ABCA10: variants seen among roughly 807,000 people sequenced by gnomAD.
ABCA10 encodes ATP binding cassette subfamily A member 10.
Under a neutral mutation model 187.5 loss-of-function variants are expected in ABCA10, and 169 were observed. The ratio of observed to expected loss-of-function variants is 0.90; its 90% CI spans 0.80 to 1.02. The LOEUF (loss-of-function observed/expected upper bound fraction) is 1.02. Among genes scored for constraint, ABCA10 ranks in the 50% least tolerant of loss-of-function variants. The probability of loss-of-function intolerance (pLI) is 0.00; values close to 1 mark genes in which losing one functional copy is unlikely to be tolerated. For missense variants in ABCA10, 1,727 were observed against 1,812.4 expected, an observed-to-expected ratio of 0.95 and a Z score of 0.86; for synonymous variants, 574 against 601.8, an observed-to-expected ratio of 0.95 and a Z score of 0.68.
intron 34 of ABCA10, among the ~76,000 whole-genome samples, chr17:69,152,713 G>A (rs1205772140): frequency 6.6e-6 from 1 of 152,044 alleles, no homozygotes; most frequent in Non-Finnish European, 1.5e-5. Flanking sequence ...CTTAAGCCCA[G>A]GAGGTCGAGG....
intron 9 of ABCA10, among the ~76,000 whole-genome samples, chr17:69,209,826 T>C (rs1196469375): frequency 6.6e-6 from 1 of 152,188 alleles, no homozygotes; most frequent in South Asian, 2.1e-4. Context: ...CTGTACAGCA[T>C]GTTACTGTAC....
In ABCA10 at chr17:69,150,073, A is replaced by G. The variant is rs563682742; in HGVS notation, c.4398-10T>C. ...CATTAAAGAGGAATATCTGTCAGGA[A>G]GAAGAGTGAGATTTATTACTAAGTT... On this transcript the variant is annotated splice_polypyrimidine_tract_variant and intron_variant, in intron 36 of 38. Transcript: ENST00000690296. The G allele has an allele frequency of 1.5e-4, 244 of 1,591,106 alleles. 5 individuals carry two copies. The South Asian group carries it at 2.6e-3, about 17-fold the overall frequency.
At chr17:69,240,135 C>G (rs542453701) in intron 1 of ABCA10, among the ~76,000 whole-genome samples, 1 of 152,172 alleles carries the variant, frequency 6.6e-6, no homozygotes, top group East Asian at 1.9e-4. Context: ...ATTGTTTGAT[C>G]ATGCACCCTT....
chr17:69,241,200 A>G (rs2074901484), intron 1 of ABCA10, among the ~76,000 whole-genome samples: 1 of 152,204 alleles, frequency 6.6e-6, no homozygotes, highest in South Asian at 2.1e-4. Context: ...AGAGGCTCAG[A>G]CAAAACAAAA....
intron 25 of ABCA10, among the ~76,000 whole-genome samples, chr17:69,170,646 G>A (rs2074291540): frequency 6.6e-6 from 1 of 152,016 alleles, no homozygotes; most frequent in Non-Finnish European, 1.5e-5. Flanking sequence ...ACATCTGTAT[G>A]TAGAGATATG....
At chr17:69,197,553 A>G (rs1246954068) in intron 10 of ABCA10, among the ~76,000 whole-genome samples, 1 of 152,188 alleles carries the variant, frequency 6.6e-6, no homozygotes, top group Non-Finnish European at 1.5e-5. Context: ...CCAACCTAAG[A>G]CAACATAGCT....
chr17:69,175,715 T>C (rs2074329700), intron 22 of ABCA10: 1 of 414,906 alleles, frequency 2.4e-6, no homozygotes, highest in East Asian at 4.7e-5. Context: ...AAATTCAAAA[T>C]CTCAATTTTA....
chr17:69,200,382 G>A (rs2144815325), intron 10 of ABCA10, among the ~76,000 whole-genome samples: 1 of 152,288 alleles, frequency 6.6e-6, no homozygotes, highest in East Asian at 1.9e-4. Flanking sequence ...TAAACCTACA[G>A]ACTACATCAT....
intron 22 of ABCA10, among the ~76,000 whole-genome samples, chr17:69,179,211 A>AC (rs2074360266): frequency 1.3e-5 from 2 of 151,252 alleles, no homozygotes; most frequent in African/African-American, 2.4e-5. Context: ...AAAACAAACA[A>AC]AAAAAAAACC....
chr17:69,168,259 C>T (rs1048369177), intron 25 of ABCA10, among the ~76,000 whole-genome samples: 1 of 152,136 alleles, frequency 6.6e-6, no homozygotes, highest in Non-Finnish European at 1.5e-5. Flanking sequence ...AAAAGTTACA[C>T]ATGAATTTTC....
rs925328146 is a variant in ABCA10, at chr17:69,208,311, G to A, written c.1006+6393C>T. On this transcript the variant is annotated intron_variant, in intron 9 of 38. Transcript: ENST00000690296. ...CAGGTGCCTGTAGTCCTAGCTATTC[G>A]GGAGGCTGAGGCAGGAGAATGGCGT... is the stretch of plus-strand genomic sequence containing the variant. Among the ~76,000 whole-genome samples the A allele has an allele frequency of 4.0e-5, 6 of 150,962 alleles. No homozygotes were observed. In the East Asian group the frequency reaches 7.8e-4, roughly 20 times the overall value.
At chr17:69,213,558 G>A (rs893642834) in intron 9 of ABCA10, among the ~76,000 whole-genome samples, 2 of 152,182 alleles carry the variant, frequency 1.3e-5, no homozygotes, top group African/African-American at 4.8e-5. Context: ...AGCAAGGCCA[G>A]TCTCACTCCC....
Position 69,225,490 on chromosome 17 carries a change from TGCACAAATATA to T in ABCA10, c.-143_-133del, listed in dbSNP as rs911967659. The T allele has an allele frequency of 4.0e-6, 3 of 748,838 alleles. No individual in the cohort carries two copies. The highest frequency in any genetic ancestry group is 6.7e-6 in the Non-Finnish European group (3 of 450,576). The allele number at this position is 748,838 out of a possible 1,614,324, so 46.4% of individuals were successfully genotyped here. On this transcript the variant is annotated 5_prime_UTR_variant, in exon 3 of 39. An upstream open reading frame in the 5' UTR loses its in-frame stop. Coordinates refer to ENST00000690296, the MANE Select transcript of ABCA10 (RefSeq NM_001377321.1). ...GTAGCTCTGAAGTGTTCCGAAAAGA[TGCACAAATATA>T]GCCCTAGAAACAATGTTATTGTCCA... is the stretch of plus-strand genomic sequence containing the variant.
chr17:69,223,949 C>T (rs542876030), intron 3 of ABCA10, among the ~76,000 whole-genome samples: 27 of 152,206 alleles, frequency 1.8e-4, no homozygotes, highest in African/African-American at 6.5e-4. Flanking sequence ...CCTGAGGCTT[C>T]AGTAAATGCT....
At chr17:69,170,308 G>A (rs191248932) in intron 25 of ABCA10, among the ~76,000 whole-genome samples, 109 of 149,934 alleles carry the variant, frequency 7.3e-4, no homozygotes, top group Non-Finnish European at 1.4e-3. Context: ...AAAAAATTAC[G>A]TTACATTTTG....
intron 9 of ABCA10, among the ~76,000 whole-genome samples, chr17:69,209,742 ACTCTACAAAC>A (rs975474080): frequency 5.3e-5 from 8 of 152,100 alleles, no homozygotes; most frequent in Non-Finnish European, 1.2e-4. Context: ...GTCATTGTGC[ACTCTACAAAC>A]CTAATGATAT....
intron 2 of ABCA10, 45 bp from the exon 3 acceptor site, chr17:69,225,574 A>G (rs113740691): frequency 4.3e-4 from 192 of 448,576 alleles, no homozygotes; most frequent in African/African-American, 3.6e-3. Context: ...AACGTGGTCC[A>G]GACCAGTGAG....
intron 9 of ABCA10, among the ~76,000 whole-genome samples, chr17:69,213,873 T>C (rs2074680072): frequency 6.6e-6 from 1 of 152,228 alleles, no homozygotes; most frequent in Non-Finnish European, 1.5e-5. Flanking sequence ...CCCTATTTTA[T>C]TACCTTTAAT....
At chr17:69,191,676 T>C (rs530834981) in intron 16 of ABCA10, among the ~76,000 whole-genome samples, 25 of 152,222 alleles carry the variant, frequency 1.6e-4, no homozygotes, top group African/African-American at 5.8e-4. Flanking sequence ...TATATATACA[T>C]ATATAAAACT....
Sources: allele counts gnomAD v4.1 joint callset (sites outside exome capture counted in the v4.1 genomes callset), GRCh38; gene constraint gnomAD v4.1.1; transcripts MANE v1.5; gene names NCBI Gene and HGNC (gene_info 2026-07-23, HGNC 2026-07-21).